The following ECE1 variants were observed in gnomAD, a reference collection of about 807,000 sequenced individuals.
The protein encoded by ECE1 is endothelin converting enzyme 1, also known as endothelin-converting enzyme 1.
Under a neutral mutation model 98.6 loss-of-function variants are expected in ECE1, and 35 were observed. The ratio of observed to expected loss-of-function variants is 0.35; its 90% CI spans 0.27 to 0.47. The LOEUF is 0.47. ECE1 is among the 20% of genes least tolerant of loss of function. The probability of loss-of-function intolerance (pLI) is 1.00; values close to 1 mark genes in which losing one functional copy is unlikely to be tolerated. For missense variants in ECE1, 814 were observed against 1,025.3 expected (o/e 0.79, Z 2.81); for synonymous variants, 394 against 407.1 (o/e 0.97, Z 0.39).
rs188986875 is a variant in ECE1 at position 21,225,316 on chromosome 1, C to A, written c.1974G>T (p.Pro658=). Residue 658 remains proline, a synonymous_variant, in exon 17 of 19, where the codon CCG becomes CCT. Coordinates refer to ENST00000374893, the MANE Select transcript of ECE1 (RefSeq NM_001397.3). This position sits in a 1 kb window ranked among gnomAD's most constrained non-coding sequence, Gnocchi z 5.3. ...CCCCCAGGGTGTGCCGCCCGTTCACCGGCTCCCCGTTCACGCTGTAGTTGC... is the reference window on the plus strand; with the variant it reads ...CCCCCAGGGTGTGCCGCCCGTTCACAGGCTCCCCGTTCACGCTGTAGTTGC... ...QYSNYSVNGE[P]VNGRHTLGEN... 1 of 1,614,112 alleles carries A rather than the reference C, an allele frequency of 6.2e-7. No individual in the cohort carries two copies. Among genetic ancestry groups the A allele is most frequent in the Admixed American group, 1.7e-5 (1 of 60,004 alleles).
chr1:21,275,838 G>A (rs924455478), intron 3 of ECE1, among the ~76,000 whole-genome samples: 1 of 151,384 alleles, frequency 6.6e-6, no homozygotes, highest in Non-Finnish European at 1.5e-5. Context: ...AACCTTCATC[G>A]ACCCCCTTCC....
At chr1:21,276,026 CTT>C (rs532213567) in intron 3 of ECE1, among the ~76,000 whole-genome samples, 281 of 91,244 alleles carry the variant, frequency 3.1e-3, no homozygotes, top group African/African-American at 0.013. Flanking sequence ...TTAATACGTG[CTT>C]TTTTTTTTTT....
chr1:21,296,237 CG>C (rs1638349920), intron 1 of ECE1, among the ~76,000 whole-genome samples: 1 of 152,070 alleles, frequency 6.6e-6, no homozygotes, highest in Non-Finnish European at 1.5e-5. Flanking sequence ...ACCCTTCAGC[CG>C]GGTGCTCATG....
intron 3 of ECE1, among the ~76,000 whole-genome samples, chr1:21,273,445 T>C (rs988502978): frequency 6.6e-6 from 1 of 151,672 alleles, no homozygotes; most frequent in Non-Finnish European, 1.5e-5. Context: ...AACAATTCAG[T>C]TGGGGATATA....
chr1:21,266,312 G>A (rs1244708059), intron 4 of ECE1, among the ~76,000 whole-genome samples: 1 of 152,134 alleles, frequency 6.6e-6, no homozygotes, highest in Non-Finnish European at 1.5e-5. Context: ...CCAGGAGCCT[G>A]TGGGGCCCTG....
At chr1:21,284,980 C>T (rs2098258987) in intron 2 of ECE1, among the ~76,000 whole-genome samples, 1 of 152,154 alleles carries the variant, frequency 6.6e-6, no homozygotes, top group Admixed American at 6.5e-5. Context: ...GCGAGGAACC[C>T]TGCCTCCGAA....
At chr1:21,254,637 G>A (rs1344258738) in intron 8 of ECE1, among the ~76,000 whole-genome samples, 1 of 152,158 alleles carries the variant, frequency 6.6e-6, no homozygotes, top group Non-Finnish European at 1.5e-5. Flanking sequence ...CACTGCGGGG[G>A]CCCCTCAGGC....
In ECE1 at chr1:21,342,576, C is replaced by T. The variant is rs373539184; in HGVS notation, c.3+2800G>A. 4.7e-4 allele frequency among the ~76,000 whole-genome samples: 71 copies of T among 150,594 alleles called. 1 individual carries two copies. The South Asian group carries it at 0.014, about 31-fold the overall frequency. On this transcript the variant is annotated intron_variant, in intron 1 of 18. Coordinates refer to the ECE1 transcript ENST00000415912. ...GAGATTCAGTGAGGACAACAGGAAA[C>T]ACATCACACAGACACACAGACACAC...
At position 21,258,284 on chromosome 1, in the gene ECE1, C is replaced by G. The variant is rs2098222468; in HGVS notation, c.762+409G>C. Among the ~76,000 whole-genome samples, 4 of 152,350 alleles carry G rather than the reference C, an allele frequency of 2.6e-5. No homozygotes were observed. Among genetic ancestry groups the G allele is most frequent in the Admixed American group, 2.0e-4 (3 of 15,302 alleles). On this transcript the variant is annotated intron_variant, in intron 6 of 18. Coordinates refer to ENST00000374893, the MANE Select transcript of ECE1 (RefSeq NM_001397.3). This position sits in a 1 kb window ranked among gnomAD's most constrained non-coding sequence, Gnocchi z 4.2. Reference sequence around the variant, plus strand: ...CTCACTTCTGCATTGGAGGTTGGGGCAGACCAGTGCTGGAGCTCCCCTGGG... The same window carrying G: ...CTCACTTCTGCATTGGAGGTTGGGGGAGACCAGTGCTGGAGCTCCCCTGGG...
chr1:21,227,562 G>A (rs1037062190), intron 15 of ECE1, among the ~76,000 whole-genome samples: 1 of 152,196 alleles, frequency 6.6e-6, no homozygotes, highest in Non-Finnish European at 1.5e-5. Flanking sequence ...GGCTGGGAAT[G>A]GGTCAATTGC....
At chr1:21,323,986 A>C (rs1028098058) in intron 1 of ECE1, among the ~76,000 whole-genome samples, 1 of 151,366 alleles carries the variant, frequency 6.6e-6, no homozygotes, top group East Asian at 1.9e-4. Context: ...TGCCCGGCTA[A>C]TTTTTTTGTA....
chr1:21,248,774 G>A (rs1424472180), intron 8 of ECE1, among the ~76,000 whole-genome samples: 6 of 151,846 alleles, frequency 4.0e-5, no homozygotes, highest in Non-Finnish European at 8.8e-5. Flanking sequence ...ACAGGTGTGA[G>A]CCACCACTCC....
At chr1:21,299,829 C>A (rs1406166762) in intron 1 of ECE1, 1 of 152,204 alleles carries the variant, frequency 6.6e-6, no homozygotes, top group African/African-American at 2.4e-5. Flanking sequence ...CTTTGCTGTC[C>A]ATTTTTCATC....
Position 21,271,741 on chromosome 1 carries a change from G to C in ECE1, c.493+958C>G, listed in dbSNP as rs190251967. 2.0e-4 allele frequency among the ~76,000 whole-genome samples: 31 copies of C among 152,244 alleles called. No homozygotes were observed. In the East Asian group the frequency reaches 2.5e-3, roughly 12 times the overall value. On this transcript the variant is annotated intron_variant, in intron 4 of 18. Transcript: ENST00000374893. ...AGGATACAGCTGCAAACAAGACAAC[G>C]TGGAGCTCTAATCTGAGGAAAAACC...
upstream of ECE1, chr1:21,290,555 C>T (rs2098265669): frequency 8.4e-7 from 1 of 1,192,214 alleles, no homozygotes; most frequent in Non-Finnish European, 1.0e-6. This position sits in a 1 kb window ranked among gnomAD's most constrained non-coding sequence, Gnocchi z 7.3. Context: ...CGGGGAGACC[C>T]CAAGACCCGA....
chr1:21,276,092 C>T (rs895284016), intron 3 of ECE1, among the ~76,000 whole-genome samples: 2 of 123,782 alleles, frequency 1.6e-5, no homozygotes, highest in Admixed American at 1.0e-4. Context: ...GTGGCATAAT[C>T]TCGACTCGCT....
Position 21,322,152 on chromosome 1 carries a change from T to C in ECE1, c.3+23224A>G, listed in dbSNP as rs1292671867. Among the ~76,000 whole-genome samples, 1 of 152,094 alleles carries C rather than the reference T, an allele frequency of 6.6e-6. No homozygotes were observed. Among genetic ancestry groups the C allele is most frequent in the Non-Finnish European group, 1.5e-5 (1 of 68,020 alleles). ...CTGGAACAACTTCTGAAGTCAGCAT[T>C]ATATGCCCCTTTTACAGATGAAGAA... On this transcript the variant is annotated intron_variant, in intron 1 of 18. Coordinates refer to the ECE1 transcript ENST00000415912. This position sits in a 1 kb window ranked among gnomAD's most constrained non-coding sequence, Gnocchi z 4.1.
intron 4 of ECE1, among the ~76,000 whole-genome samples, chr1:21,268,642 G>A (rs1242985954): frequency 2.6e-5 from 4 of 152,166 alleles, no homozygotes; most frequent in Admixed American, 2.0e-4. Flanking sequence ...TCCCCTCTCC[G>A]CCTAGAGGGA....
intron 10 of ECE1, among the ~76,000 whole-genome samples, chr1:21,243,314 G>C (rs990995744): frequency 4.6e-5 from 7 of 152,076 alleles, no homozygotes; most frequent in Non-Finnish European, 1.5e-5. Context: ...GTAGCTGAAA[G>C]TGCCTCAAAG....
Sources: allele counts gnomAD v4.1 joint callset (sites outside exome capture counted in the v4.1 genomes callset), GRCh38; gene constraint gnomAD v4.1.1; non-coding constraint Gnocchi (gnomAD v3.1); transcripts MANE v1.5; gene names NCBI Gene and HGNC (gene_info 2026-07-23, HGNC 2026-07-21).